KALRN: variants seen among roughly 807,000 people sequenced by gnomAD.
The protein encoded by KALRN is kalirin RhoGEF kinase.
A neutral mutation model predicts 353.7 loss-of-function variants in KALRN; 70 were observed. The ratio of observed to expected loss-of-function variants is 0.20; its 90% CI spans 0.16 to 0.24. KALRN has a LOEUF of 0.24. KALRN is among the 10% of genes least tolerant of loss of function. The pLI is 1.00. For missense variants in KALRN, 2,791 were observed against 3,756.7 expected (o/e 0.74, Z 6.72); for synonymous variants, 1,391 against 1,434.8 (o/e 0.97, Z 0.69).
chr3:124,541,736 G>A (rs755056338), intron 33 of KALRN, among the ~76,000 whole-genome samples: 2 of 147,082 alleles, frequency 1.4e-5, no homozygotes, highest in Non-Finnish European at 3.0e-5. Flanking sequence ...AAAAAAAAAA[G>A]CAAAAATTAG....
chr3:124,063,377 G>C (rs1196540509), intron 1 of KALRN, among the ~76,000 whole-genome samples: 1 of 152,170 alleles, frequency 6.6e-6, no homozygotes, highest in Non-Finnish European at 1.5e-5. Context: ...GCAGGACAGG[G>C]GAAACACTGG....
At chr3:124,511,341 A>G (rs554601052) in intron 33 of KALRN, among the ~76,000 whole-genome samples, 35 of 152,140 alleles carry the variant, frequency 2.3e-4, no homozygotes, top group African/African-American at 8.2e-4. Flanking sequence ...CTTGCATTCT[A>G]CTCGACAGAA....
chr3:124,425,477 T>G (rs542690839), intron 15 of KALRN, among the ~76,000 whole-genome samples: 2 of 152,284 alleles, frequency 1.3e-5, no homozygotes, highest in South Asian at 4.2e-4. Flanking sequence ...TATGAGAGGA[T>G]AGGAGCAGGC....
intron 1 of KALRN, among the ~76,000 whole-genome samples, chr3:124,100,143 G>A (rs913852135): frequency 6.6e-6 from 1 of 152,062 alleles, no homozygotes; most frequent in African/African-American, 2.4e-5. Context: ...CAGCCTGGGC[G>A]ATATAACGAG....
rs181780824 is a variant in KALRN at position 124,121,059 on chromosome 3, A to G, written c.73+87246A>G. Among the ~76,000 whole-genome samples the G allele has an allele frequency of 7.4e-4, 101 of 136,062 alleles. No homozygotes were observed. In the South Asian group the frequency reaches 0.016, roughly 22 times the overall value. The allele number at this position is 136,062 out of a possible 152,430, so 89.3% of individuals were successfully genotyped here. On this transcript the variant is annotated intron_variant, in intron 1 of 59. Transcript: ENST00000682506. ...CAGTGAGCCAAGATCATGCCACTGC[A>G]GTCCAGCCTGGGCAACAGAGTGAGA...
intron 27 of KALRN, among the ~76,000 whole-genome samples, chr3:124,481,555 C>T (rs948202521): frequency 2.0e-5 from 3 of 152,144 alleles, no homozygotes; most frequent in Non-Finnish European, 4.4e-5. Context: ...AAAAACTTAC[C>T]ATCATATCCT....
intron 1 of KALRN, among the ~76,000 whole-genome samples, chr3:124,223,425 A>C (rs2078139125): frequency 6.6e-6 from 1 of 152,160 alleles, no homozygotes; most frequent in African/African-American, 2.4e-5. Context: ...GTGAAGTAGA[A>C]AGAGAAGGCA....
At chr3:124,345,184 T>C (rs2082142588) in intron 9 of KALRN, among the ~76,000 whole-genome samples, 1 of 152,214 alleles carries the variant, frequency 6.6e-6, no homozygotes. Flanking sequence ...GGTAGTTCTT[T>C]TATATGCAAA....
chr3:124,407,219 G>T (rs2150188189), intron 13 of KALRN, among the ~76,000 whole-genome samples: 1 of 152,204 alleles, frequency 6.6e-6, no homozygotes, highest in South Asian at 2.1e-4. Context: ...GATTTAATAA[G>T]TTAACACATA....
At chr3:124,590,538 T>G (rs2075670548) in intron 34 of KALRN, among the ~76,000 whole-genome samples, 1 of 152,094 alleles carries the variant, frequency 6.6e-6, no homozygotes, top group Non-Finnish European at 1.5e-5. Flanking sequence ...CCTTCTGGAG[T>G]AGTGTTGCTG....
At chr3:124,529,718 GA>G in intron 33 of KALRN, among the ~76,000 whole-genome samples, 1 of 151,640 alleles carries the variant, frequency 6.6e-6, no homozygotes, top group East Asian at 1.9e-4. Context: ...TTCTACACAT[GA>G]GCTTTTAAAT....
intron 10 of KALRN, among the ~76,000 whole-genome samples, chr3:124,360,731 A>G (rs927088409): frequency 1.3e-5 from 2 of 152,234 alleles, no homozygotes; most frequent in African/African-American, 4.8e-5. Context: ...GCCCAGATTA[A>G]GAGAAGCAGA....
chr3:124,115,497 G>A (rs1034522206), intron 1 of KALRN, among the ~76,000 whole-genome samples: 2 of 152,278 alleles, frequency 1.3e-5, no homozygotes, highest in Middle Eastern at 3.4e-3. Flanking sequence ...CGTCAGATTA[G>A]CAGCTAGCTC....
At chr3:124,460,048 T>C (rs2059697532) in intron 23 of KALRN, among the ~76,000 whole-genome samples, 1 of 152,212 alleles carries the variant, frequency 6.6e-6, no homozygotes, top group Non-Finnish European at 1.5e-5. Flanking sequence ...GCCTCTCTCC[T>C]TGATAGCTTG....
chr3:124,252,788 A>G (rs2071362638), intron 3 of KALRN, among the ~76,000 whole-genome samples: 1 of 152,200 alleles, frequency 6.6e-6, no homozygotes, highest in Non-Finnish European at 1.5e-5. Flanking sequence ...ACAGTCACCC[A>G]TGACCCAGCG....
intron 6 of KALRN, among the ~76,000 whole-genome samples, chr3:124,309,934 C>T (rs533348824): frequency 5.3e-5 from 8 of 151,988 alleles, no homozygotes; most frequent in South Asian, 2.1e-4. Context: ...GGCAATTATT[C>T]GGGAAAAAGA....
intron 5 of KALRN, among the ~76,000 whole-genome samples, chr3:124,278,937 T>A (rs1319650512): frequency 6.6e-6 from 1 of 152,200 alleles, no homozygotes; most frequent in Non-Finnish European, 1.5e-5. Flanking sequence ...CCTTCCTTTT[T>A]TCTACCTTCT....
intron 17 of KALRN, among the ~76,000 whole-genome samples, chr3:124,436,150 A>G (rs950541028): frequency 2.0e-5 from 3 of 152,364 alleles, no homozygotes; most frequent in Admixed American, 2.0e-4. Flanking sequence ...GAATATCCAT[A>G]TGGAAACAAA....
chr3:124,389,686 T>C (rs903573600), intron 11 of KALRN, among the ~76,000 whole-genome samples: 1 of 152,164 alleles, frequency 6.6e-6, no homozygotes, highest in African/African-American at 2.4e-5. Flanking sequence ...ATTAATGACA[T>C]GAGGAAGAGC....
Sources: allele counts gnomAD v4.1 joint callset (sites outside exome capture counted in the v4.1 genomes callset), GRCh38; gene constraint gnomAD v4.1.1; transcripts MANE v1.5; gene names NCBI Gene and HGNC (gene_info 2026-07-23, HGNC 2026-07-21).